KCNA6: variants seen among roughly 807,000 people sequenced by gnomAD.
The protein encoded by KCNA6 is human brain potassium channel-2.
In KCNA6, 17 loss-of-function variants were observed where a neutral mutation model predicts 29.5. The ratio of observed to expected loss-of-function variants is 0.58; its 90% CI spans 0.39 to 0.86. KCNA6 has a LOEUF of 0.86. Ranked by LOEUF, KCNA6 falls within the 40% of genes least tolerant of loss-of-function variation. The probability of loss-of-function intolerance (pLI) is 0.00; values close to 1 mark genes in which losing one functional copy is unlikely to be tolerated. For missense variants in KCNA6, 450 were observed against 703.4 expected (o/e 0.64, Z 4.07); for synonymous variants, 296 against 304.7 (o/e 0.97, Z 0.30).
At chr12:4,837,038 AG>A in the KCNA6 span, among the ~76,000 whole-genome samples, 1 of 152,202 alleles carries the variant, frequency 6.6e-6, no homozygotes, top group African/African-American at 2.4e-5. Context: ...GAAAAGACCA[AG>A]GCAGGATTAT....
the KCNA6 span, among the ~76,000 whole-genome samples, chr12:4,834,348 A>G: frequency 0.075 from 11,366 of 152,254 alleles, 561 homozygotes; most frequent in Non-Finnish European, 0.094. Context: ...TAGGGTGCAG[A>G]AGAAGAAACT....
At chr12:4,821,374 G>A in the KCNA6 span, among the ~76,000 whole-genome samples, 1 of 152,092 alleles carries the variant, frequency 6.6e-6, no homozygotes, top group African/African-American at 2.4e-5. Flanking sequence ...GCACACGCAG[G>A]TGCCCAGGCA....
chr12:4,809,995 T>C, exon 1 of KCNA6: 1 of 1,498,332 alleles, frequency 6.7e-7, no homozygotes, highest in Non-Finnish European at 8.8e-7. Context: ...CCAGAGATTG[T>C]GTCGTGGGCG....
chr12:4,844,917 G>A, the KCNA6 span, among the ~76,000 whole-genome samples: 1 of 152,048 alleles, frequency 6.6e-6, no homozygotes, highest in African/African-American at 2.4e-5. The surrounding 1 kb of genome is among the most constrained non-coding windows in gnomAD (Gnocchi z 4.0). Flanking sequence ...TTAATTTTCA[G>A]TGTTCCTGTT....
the KCNA6 span, among the ~76,000 whole-genome samples, chr12:4,836,795 G>T: frequency 6.6e-6 from 1 of 152,240 alleles, no homozygotes. Context: ...GGCACCCAGT[G>T]GGAGCAGTGT....
chr12:4,842,045 G>A, the KCNA6 span, among the ~76,000 whole-genome samples: 6 of 150,362 alleles, frequency 4.0e-5, no homozygotes, highest in East Asian at 1.2e-3. Flanking sequence ...GTGTGTGTGT[G>A]TGTGTGTGTG....
the KCNA6 span, among the ~76,000 whole-genome samples, chr12:4,825,183 C>T: frequency 6.6e-6 from 1 of 152,146 alleles, no homozygotes; most frequent in East Asian, 1.9e-4. Context: ...GAAATGGATA[C>T]TCAAGTGACC....
the KCNA6 span, among the ~76,000 whole-genome samples, chr12:4,834,537 G>A: frequency 2.0e-5 from 3 of 152,188 alleles, no homozygotes; most frequent in African/African-American, 7.2e-5. Context: ...TGGTAGAAGC[G>A]GGGGCTTGGG....
At chr12:4,840,195 T>TC in the KCNA6 span, among the ~76,000 whole-genome samples, 2 of 150,132 alleles carry the variant, frequency 1.3e-5, no homozygotes, top group Admixed American at 6.7e-5. Context: ...ATGATGATTA[T>TC]TATCTATCTA....
chr12:4,816,249 GGTGTGTGTGTGTGTGTGTGTGTGT>G (rs59638657), downstream of KCNA6, among the ~76,000 whole-genome samples: 4 of 142,640 alleles, frequency 2.8e-5, no homozygotes, highest in South Asian at 2.4e-4. Flanking sequence ...ACCACGAACT[GGTGTGTGTGTGTGTGTGTGTGTGT>G]GTGTGTGTGT....
At chr12:4,823,362 T>TTGGAAATGA in the KCNA6 span, among the ~76,000 whole-genome samples, 5,406 of 152,064 alleles carry the variant, frequency 0.036, 108 homozygotes, top group South Asian at 0.045. Flanking sequence ...TGCTATGGCA[T>TTGGAAATGA]TGGAAATGAT....
the KCNA6 span, among the ~76,000 whole-genome samples, chr12:4,821,004 G>A: frequency 1.5e-4 from 23 of 152,304 alleles, no homozygotes; most frequent in South Asian, 4.8e-3. Context: ...CGGAAAGAAG[G>A]GATGCAGAAG....
At chr12:4,816,760 T>A (rs1236899610), downstream of KCNA6, among the ~76,000 whole-genome samples, 1 of 152,104 alleles carries the variant, frequency 6.6e-6, no homozygotes, top group Non-Finnish European at 1.5e-5. Flanking sequence ...TATGAAGAGG[T>A]CCCAGCAGTC....
chr12:4,819,483 G>A, the KCNA6 span, among the ~76,000 whole-genome samples: 2 of 152,132 alleles, frequency 1.3e-5, no homozygotes, highest in African/African-American at 4.8e-5. Flanking sequence ...TTAATCTCCC[G>A]TGGCTGTGTT....
chr12:4,815,911 G>A (rs1436832612), downstream of KCNA6, among the ~76,000 whole-genome samples: 1 of 152,212 alleles, frequency 6.6e-6, no homozygotes, highest in African/African-American at 2.4e-5. Flanking sequence ...CCCCCATGGG[G>A]TTGAAGGTTG....
the KCNA6 span, among the ~76,000 whole-genome samples, chr12:4,818,707 T>A: frequency 3.3e-5 from 5 of 152,128 alleles, no homozygotes; most frequent in Non-Finnish European, 5.9e-5. Flanking sequence ...AGGGTCTAAC[T>A]GTTATTGGGC....
the KCNA6 span, among the ~76,000 whole-genome samples, chr12:4,835,726 C>T: frequency 4.6e-5 from 7 of 152,094 alleles, no homozygotes; most frequent in East Asian, 1.4e-3. Flanking sequence ...CCTAGTCCTG[C>T]CCACAAAGAC....
chr12:4,835,051 A>G, the KCNA6 span, among the ~76,000 whole-genome samples: 2 of 152,088 alleles, frequency 1.3e-5, no homozygotes, highest in Non-Finnish European at 1.5e-5. Flanking sequence ...GGGACTGGGA[A>G]TTTAGCATTC....
At chr12:4,848,138 G>C in the KCNA6 span, among the ~76,000 whole-genome samples, 1 of 152,120 alleles carries the variant, frequency 6.6e-6, no homozygotes, top group Non-Finnish European at 1.5e-5. Context: ...TACATCTTTT[G>C]ACAAGGTGGT....
Sources: gnomAD v4.1 joint callset for allele counts (sites outside exome capture counted in the v4.1 genomes callset) on GRCh38, gnomAD v4.1.1 for gene constraint, Gnocchi (gnomAD v3.1) non-coding constraint, MANE v1.5 for transcripts, NCBI Gene and HGNC (gene_info 2026-07-23, HGNC 2026-07-21) for gene names.